The following OPTN variants were observed in gnomAD, a reference collection of about 807,000 sequenced individuals.
The protein encoded by OPTN is E3-14.7K-interacting protein.
A neutral mutation model predicts 70.4 loss-of-function variants in OPTN; 54 were observed. That is an observed-to-expected ratio of 0.77 (90% CI 0.62 to 0.96). The LOEUF (loss-of-function observed/expected upper bound fraction) is 0.96. Among genes scored for constraint, OPTN ranks in the 40% least tolerant of loss-of-function variants. OPTN has a pLI of 0.00. For synonymous variants in OPTN, 256 were observed against 248.5 expected (o/e 1.03, Z -0.28); for missense variants, 624 against 673.2 (o/e 0.93, Z 0.81).
At chr10:13,115,211 A>ATATATATTTATAGATATATCTATATT (rs1564359432) in intron 5 of OPTN, among the ~76,000 whole-genome samples, 190 of 28,826 alleles carry the variant, frequency 6.6e-3, no homozygotes, top group Admixed American at 0.026. Context: ...ATCTATATTT[A>ATATATATTTATAGATATATCTATATT]TATATATATT....
chr10:13,118,791 G>C (rs1192615756), intron 6 of OPTN, 97 bp from the exon 7 acceptor site: 1 of 1,029,380 alleles, frequency 9.7e-7, no homozygotes, highest in Non-Finnish European at 1.5e-6. Context: ...GTTCTGGAAA[G>C]CAGTTCCTTT....
chr10:13,101,155 G>C (rs1832735156), intron 1 of OPTN, among the ~76,000 whole-genome samples: 1 of 152,184 alleles, frequency 6.6e-6, no homozygotes, highest in African/African-American at 2.4e-5. Flanking sequence ...AGAAGTCCCA[G>C]GGCAGACCCC....
intron 5 of OPTN, among the ~76,000 whole-genome samples, chr10:13,114,950 GATA>G: frequency 1.6e-5 from 1 of 61,024 alleles, no homozygotes; most frequent in Non-Finnish European, 3.0e-5. Context: ...TTTATATATA[GATA>G]TATCTATATT....
At chr10:13,115,457 T>TC (rs1833164666) in intron 5 of OPTN, among the ~76,000 whole-genome samples, 1 of 100,722 alleles carries the variant, frequency 9.9e-6, no homozygotes, top group African/African-American at 4.8e-5. Flanking sequence ...ATATTCTATA[T>TC]TATATAATAT....
intron 5 of OPTN, among the ~76,000 whole-genome samples, chr10:13,115,165 G>GATATATCTATATTTTATATAT (rs1449295807): frequency 1.2e-4 from 10 of 84,508 alleles, no homozygotes; most frequent in Non-Finnish European, 1.9e-4. Context: ...TTTATATATA[G>GATATATCTATATTTTATATAT]ATATATCTAT....
chr10:13,104,260 T>C (rs1359535370), intron 1 of OPTN, among the ~76,000 whole-genome samples: 48 of 133,370 alleles, frequency 3.6e-4, no homozygotes, highest in African/African-American at 1.2e-3. Flanking sequence ...TTTTCTTTTT[T>C]TTTTTTTTTT....
chr10:13,134,421 G>C (rs2131531721), intron 14 of OPTN, among the ~76,000 whole-genome samples: 1 of 151,962 alleles, frequency 6.6e-6, no homozygotes, highest in East Asian at 1.9e-4. Context: ...AGATACTTAA[G>C]TACTTTATTT....
chr10:13,124,063 T>A lies in OPTN; in HGVS notation c.951T>A (p.His317Gln). ...TGTTTAAGGAGCTTCAAGAGGCTCA[T>A]ACAAAACTCAGCGAAGCTGAGCTAA... ...TSLFKELQEA[H>Q]TKLSEAELMK... Residue 317 changes from histidine to glutamine, a missense_variant, in exon 9 of 15, where the codon CAT (histidine) becomes CAA (glutamine). Physicochemically the swap from His to Gln is conservative, Grantham distance 24. Coordinates refer to ENST00000378747, the MANE Select transcript of OPTN (RefSeq NM_001008212.2). 6.2e-7 allele frequency: 1 copy of A among 1,613,826 alleles called. No homozygotes were observed. The highest frequency in any genetic ancestry group is 8.5e-7 in the Non-Finnish European group (1 of 1,179,804).
At chr10:13,134,659 C>T (rs1244949946) in intron 14 of OPTN, among the ~76,000 whole-genome samples, 1 of 152,124 alleles carries the variant, frequency 6.6e-6, no homozygotes, top group Admixed American at 6.5e-5. Flanking sequence ...AATTCCTGAC[C>T]CCAGGAGATC....
rs751226367 is a variant in OPTN, at chr10:13,125,971, A to G, written c.1174A>G (p.Thr392Ala). Reference sequence around the variant, plus strand: ...GTCCAAATTAACTGTGCTACAGATGACACACAACAAGCTTCTTCAAGAACA... The same window carrying G: ...GTCCAAATTAACTGTGCTACAGATGGCACACAACAAGCTTCTTCAAGAACA... ...EKSKLTVLQM[T>A]HNKLLQEHNN... The change falls in exon 11 of 15, where the codon ACA (threonine) becomes GCA (alanine). Residue 392 changes from threonine to alanine, a missense_variant. Transcript: ENST00000378747. 2 of 1,611,448 alleles carry G rather than the reference A, an allele frequency of 1.2e-6. No individual in the cohort carries two copies. The highest frequency in any genetic ancestry group is 1.7e-6 in the Non-Finnish European group (2 of 1,177,606).
rs886866422 is a variant in OPTN, at chr10:13,136,781, T to C, written c.1649T>C (p.Ile550Thr). The change falls in exon 15 of 15, where the codon ATT (isoleucine) becomes ACT (threonine). Residue 550 changes from isoleucine (I) to threonine (T), a missense_variant. Transcript: ENST00000378747. ...AGGGACTGGCGGCAACAGCGGAATATTCCGATTCATTCCTGCCCCAAGTGT... is the reference window on the plus strand; with the variant it reads ...AGGGACTGGCGGCAACAGCGGAATACTCCGATTCATTCCTGCCCCAAGTGT... ...EDRDWRQQRN[I>T]PIHSCPKCGE... is the part of the protein sequence containing the mutation. 6.2e-7 allele frequency: 1 copy of C among 1,614,180 alleles called. No individual in the cohort carries two copies. The highest frequency in any genetic ancestry group is 8.5e-7 in the Non-Finnish European group (1 of 1,180,010).
rs368244180 is a variant in OPTN at position 13,118,940 on chromosome 10, G to A, written c.679G>A (p.Glu227Lys). ...RSADGAKNYFEHEELTVSQLL... is the reference protein window; with the variant it reads ...RSADGAKNYFKHEELTVSQLL... ...TGCAGATGGGGCCAAGAATTACTTC[G>A]AACATGAGGAGTTAACTGTGAGCCA... The change falls in exon 7 of 15, where the codon GAA (glutamate) becomes AAA (lysine). Residue 227 changes from glutamate to lysine, a missense_variant. Physicochemically the swap from Glu to Lys is moderately conservative, Grantham distance 56. Transcript: ENST00000378747. 12 of 1,613,996 alleles carry A rather than the reference G, an allele frequency of 7.4e-6. No homozygotes were observed. The highest frequency in any genetic ancestry group is 6.7e-5 in the East Asian group (3 of 44,880).
chr10:13,122,299 A>G (rs950833540), intron 7 of OPTN, 86 bp from the exon 8 acceptor site: 3 of 881,308 alleles, frequency 3.4e-6, no homozygotes, highest in Non-Finnish European at 5.6e-6. Context: ...ATTGTAAACA[A>G]TGTTCTTTTT....
intron 11 of OPTN, 150 bp from the exon 12 acceptor site, chr10:13,127,595 G>A (rs777236308): frequency 1.4e-5 from 11 of 805,926 alleles, no homozygotes; most frequent in African/African-American, 3.5e-5. Context: ...GGGCTCAAAC[G>A]ATCCTCCCAC....
At chr10:13,118,008 T>C (rs1833257752) in intron 6 of OPTN, among the ~76,000 whole-genome samples, 2 of 152,182 alleles carry the variant, frequency 1.3e-5, no homozygotes, top group South Asian at 2.1e-4. Context: ...TAGTGGGAAA[T>C]AAAAAAGCCC....
At chr10:13,100,948 G>A (rs752549892) in intron 1 of OPTN, among the ~76,000 whole-genome samples, 1 of 152,234 alleles carries the variant, frequency 6.6e-6, no homozygotes, top group African/African-American at 2.4e-5. Context: ...CCAAGGAACT[G>A]TTTGTAAGGA....
In OPTN at chr10:13,127,753, A is replaced by G; in HGVS notation, c.1251A>G (p.Lys417=). ...IEELTRKESE[K]VDRAVLKELS... ...AAATGTTTCTTTTTCAGTCAGAAAA[A>G]GTGGACAGGGCAGTGCTGAAGGAAC... Residue 417 remains lysine (K), a synonymous_variant, in exon 12 of 15, where the codon AAA becomes AAG. Transcript: ENST00000378747. 1 of 1,614,162 alleles carries G rather than the reference A, an allele frequency of 6.2e-7. No individual in the cohort carries two copies.
chr10:13,132,252 G>C, intron 13 of OPTN, 55 bp downstream of exon 13: 1 of 1,599,718 alleles, frequency 6.3e-7, no homozygotes, highest in Non-Finnish European at 8.5e-7. Context: ...CCGTAGAAGA[G>C]GTGCCTGTCC....
In OPTN at chr10:13,125,452, C is replaced by G. The variant is rs774621464; in HGVS notation, c.1033C>G (p.Pro345Ala). 1 of 1,614,032 alleles carries G rather than the reference C, an allele frequency of 6.2e-7. No individual in the cohort carries two copies. Among genetic ancestry groups the G allele is most frequent in the Non-Finnish European group, 8.5e-7 (1 of 1,179,990 alleles). ...CCTTGAAAGGAAAAATTCTGCAATTCCATCAGAGTTGAATGAAAAGCAAGA... is the reference window on the plus strand; with the variant it reads ...CCTTGAAAGGAAAAATTCTGCAATTGCATCAGAGTTGAATGAAAAGCAAGA... Reference protein sequence around the residue: ...QALERKNSAIPSELNEKQELV... With the variant: ...QALERKNSAIASELNEKQELV... Residue 345 changes from proline to alanine, a missense_variant, in exon 10 of 15, where the codon CCA (proline) becomes GCA (alanine). Pro to Ala is a conservative substitution (Grantham distance 27). Transcript: ENST00000378747.
Sources: gnomAD v4.1 joint callset for allele counts (sites outside exome capture counted in the v4.1 genomes callset) on GRCh38, gnomAD v4.1.1 for gene constraint, MANE v1.5 for transcripts, NCBI Gene and HGNC (gene_info 2026-07-23, HGNC 2026-07-21) for gene names.